TESK2: variants seen among roughly 807,000 people sequenced by gnomAD.
TESK2 encodes the protein testis associated actin remodelling kinase 2.
A neutral mutation model predicts 57.1 loss-of-function variants in TESK2; 39 were observed. The ratio of observed to expected loss-of-function variants is 0.68; its 90% CI spans 0.53 to 0.89. The LOEUF (loss-of-function observed/expected upper bound fraction) is 0.89, where lower values mean the gene tolerates loss of function less well. Ranked by LOEUF, TESK2 falls within the 40% of genes least tolerant of loss-of-function variation. The pLI, the probability that TESK2 is intolerant of heterozygous loss-of-function variation, is 0.00. For missense variants in TESK2, 646 were observed against 732.1 expected, an observed-to-expected ratio of 0.88 and a Z score of 1.36; for synonymous variants, 249 against 267.9, an observed-to-expected ratio of 0.93 and a Z score of 0.69.
At chr1:45,479,411 C>T (rs1653121214) in intron 1 of TESK2, among the ~76,000 whole-genome samples, 1 of 151,830 alleles carries the variant, frequency 6.6e-6, no homozygotes, top group Non-Finnish European at 1.5e-5. Flanking sequence ...CCTAGTTTTC[C>T]ATACTGCAGA....
At chr1:45,437,785 T>C (rs1447593359) in intron 2 of TESK2, among the ~76,000 whole-genome samples, 7 of 152,238 alleles carry the variant, frequency 4.6e-5, no homozygotes, top group African/African-American at 1.7e-4. Context: ...ATACTTTTTC[T>C]AGATTTTGAA....
intron 2 of TESK2, among the ~76,000 whole-genome samples, chr1:45,448,963 G>T (rs1056059314): frequency 1.2e-4 from 18 of 152,032 alleles, no homozygotes; most frequent in African/African-American, 3.9e-4. Context: ...AGTGGCTCAC[G>T]CCTGCAATCC....
At chr1:45,423,341 A>T (rs933119166) in intron 2 of TESK2, among the ~76,000 whole-genome samples, 1 of 152,152 alleles carries the variant, frequency 6.6e-6, no homozygotes, top group Non-Finnish European at 1.5e-5. Flanking sequence ...ACAGATCACG[A>T]GGTCACAAAA....
intron 4 of TESK2, among the ~76,000 whole-genome samples, chr1:45,384,608 T>TTATTTA (rs1557551540): frequency 3.1e-5 from 4 of 130,312 alleles, no homozygotes; most frequent in African/African-American, 1.2e-4. Context: ...TTTTTTTTTT[T>TTATTTA]TTTTTTTTTT....
At chr1:45,428,708 T>G (rs1459101987) in intron 2 of TESK2, among the ~76,000 whole-genome samples, 2 of 152,018 alleles carry the variant, frequency 1.3e-5, no homozygotes. Context: ...TTCGCCATGT[T>G]GTCCAGGCTG....
At chr1:45,465,584 T>A (rs1652519774) in intron 1 of TESK2, among the ~76,000 whole-genome samples, 1 of 152,132 alleles carries the variant, frequency 6.6e-6, no homozygotes, top group African/African-American at 2.4e-5. Context: ...GTAGGAGTCT[T>A]GTTAGAAGTT....
intron 3 of TESK2, among the ~76,000 whole-genome samples, chr1:45,408,403 T>A (rs986275284): frequency 1.3e-5 from 2 of 152,156 alleles, no homozygotes; most frequent in African/African-American, 4.8e-5. Context: ...TAAAATTTCA[T>A]AATGATATGC....
intron 4 of TESK2, among the ~76,000 whole-genome samples, chr1:45,360,430 C>T (rs1212781972): frequency 6.6e-6 from 1 of 152,054 alleles, no homozygotes; most frequent in Non-Finnish European, 1.5e-5. Context: ...AATGAAAAGA[C>T]TGTATGTGCA....
chr1:45,364,916 T>G (rs542923064), intron 4 of TESK2, among the ~76,000 whole-genome samples: 1 of 152,146 alleles, frequency 6.6e-6, no homozygotes, highest in Non-Finnish European at 1.5e-5. Flanking sequence ...CAGAAACCAG[T>G]ATCAATGTCA....
chr1:45,348,045 G>T, intron 5 of TESK2, 45 bp from the exon 6 acceptor site: 1 of 1,332,446 alleles, frequency 7.5e-7, no homozygotes, highest in Admixed American at 1.7e-5. Flanking sequence ...GCTCAGAAGC[G>T]GGGATCAGCC....
intron 4 of TESK2, among the ~76,000 whole-genome samples, chr1:45,365,363 C>T (rs1557544543): frequency 6.6e-6 from 1 of 152,182 alleles, no homozygotes. Context: ...AACACTAGTT[C>T]TAGCCACAGA....
intron 2 of TESK2, among the ~76,000 whole-genome samples, chr1:45,455,175 T>C (rs1034075651): frequency 6.6e-6 from 1 of 152,242 alleles, no homozygotes; most frequent in Non-Finnish European, 1.5e-5. Context: ...ATTAGGGTCA[T>C]AAAACTTTAA....
chr1:45,457,747 A>C lies in TESK2; in HGVS notation c.39T>G (p.Pro13=). The C allele has an allele frequency of 6.2e-7, 1 of 1,614,142 alleles. No homozygotes were observed. The highest frequency in any genetic ancestry group is 8.5e-7 in the Non-Finnish European group (1 of 1,179,992). Residue 13 remains proline (P), a synonymous_variant, in exon 2 of 11, where the codon CCT becomes CCG. Coordinates refer to ENST00000372086, the MANE Select transcript of TESK2 (RefSeq NM_007170.3). ...ACTCTTCAAGACGCTCCACACGTGG[A>C]GGAAATCCTGCAATTGAATTCCGTT... ...RSKRNSIAGF[P]PRVERLEEFE...
chr1:45,476,190 C>A (rs1652982866), intron 1 of TESK2, among the ~76,000 whole-genome samples: 1 of 152,010 alleles, frequency 6.6e-6, no homozygotes, highest in Admixed American at 6.6e-5. Flanking sequence ...TCCAAATATC[C>A]AAAAATAGAG....
At chr1:45,443,319 C>T (rs1211319211) in intron 2 of TESK2, among the ~76,000 whole-genome samples, 1 of 151,980 alleles carries the variant, frequency 6.6e-6, no homozygotes, top group Non-Finnish European at 1.5e-5. Context: ...AATCCCAACA[C>T]TTTGGGAGAC....
At chr1:45,429,571 C>G (rs934391094) in intron 2 of TESK2, among the ~76,000 whole-genome samples, 2 of 151,838 alleles carry the variant, frequency 1.3e-5, no homozygotes, top group African/African-American at 2.4e-5. Flanking sequence ...TGCTACTAAA[C>G]AAAAATTACA....
chr1:45,384,592 A>ATTTTT (rs1450118997), intron 4 of TESK2, among the ~76,000 whole-genome samples: 5 of 70,558 alleles, frequency 7.1e-5, no homozygotes, highest in African/African-American at 1.2e-4. Flanking sequence ...GCTAATTATT[A>ATTTTT]ATTTTTTTTT....
chr1:45,436,651 G>A lies in TESK2; in HGVS notation c.223-14805C>T, dbSNP rs545424600. 2.4e-4 allele frequency among the ~76,000 whole-genome samples: 36 copies of A among 151,144 alleles called. No homozygotes were observed. The South Asian group carries it at 3.6e-3, about 15-fold the overall frequency. On this transcript the variant is annotated intron_variant, in intron 2 of 10. Transcript: ENST00000372086. ...TTACAGGCATGTGCCACCACACACA[G>A]CTAATTTTGTATTTTTAGTAGAGAC...
intron 4 of TESK2, among the ~76,000 whole-genome samples, chr1:45,367,955 G>A (rs1237786422): frequency 2.0e-5 from 3 of 150,654 alleles, no homozygotes; most frequent in African/African-American, 7.3e-5. Flanking sequence ...CACCATGCCT[G>A]GCAAAGCACT....
Sources: allele counts gnomAD v4.1 joint callset (sites outside exome capture counted in the v4.1 genomes callset), GRCh38; gene constraint gnomAD v4.1.1; transcripts MANE v1.5; gene names NCBI Gene and HGNC (gene_info 2026-07-23, HGNC 2026-07-21).